The following MACROD2 variants were observed in gnomAD, a reference collection of about 807,000 sequenced individuals.
The protein encoded by MACROD2 is mono-ADP ribosylhydrolase 2.
Under a neutral mutation model 70.4 loss-of-function variants are expected in MACROD2, and 36 were observed. The observed-to-expected ratio is 0.51, with a 90% CI of 0.39 to 0.68. The LOEUF is 0.68. Among genes scored for constraint, MACROD2 ranks in the 30% least tolerant of loss-of-function variants. The pLI is 0.00. For synonymous variants in MACROD2, 172 were observed against 178.8 expected (o/e 0.96, Z 0.30); for missense variants, 496 against 538.4 (o/e 0.92, Z 0.78).
intron 8 of MACROD2, among the ~76,000 whole-genome samples, chr20:15,833,865 C>T (rs1030182123): frequency 1.3e-5 from 2 of 152,158 alleles, no homozygotes; most frequent in African/African-American, 4.8e-5. Flanking sequence ...TGATGATCAT[C>T]CTTGAGTCAC....
chr20:14,852,800 G>A (rs1400719833), intron 5 of MACROD2, among the ~76,000 whole-genome samples: 1 of 152,144 alleles, frequency 6.6e-6, no homozygotes, highest in Non-Finnish European at 1.5e-5. Context: ...CTTAGGTTGG[G>A]AAACCACCCA....
At chr20:15,499,316 T>A (rs2047336354) in intron 7 of MACROD2, among the ~76,000 whole-genome samples, 1 of 152,160 alleles carries the variant, frequency 6.6e-6, no homozygotes, top group Non-Finnish European at 1.5e-5. Context: ...GTTTCTGTGG[T>A]ATGTTTCATT....
chr20:15,135,640 T>G (rs1241038430), intron 5 of MACROD2, among the ~76,000 whole-genome samples: 4 of 124,316 alleles, frequency 3.2e-5, no homozygotes, highest in African/African-American at 1.2e-4. Flanking sequence ...AAGCATTCCC[T>G]TTGAAAACTG....
intron 5 of MACROD2, among the ~76,000 whole-genome samples, chr20:14,725,701 T>G (rs1568760660): frequency 6.6e-6 from 1 of 152,148 alleles, no homozygotes. Context: ...AGCTCCATTC[T>G]GCTGGTGACC....
chr20:15,454,031 A>G (rs371382966), intron 7 of MACROD2, among the ~76,000 whole-genome samples: 2 of 152,104 alleles, frequency 1.3e-5, no homozygotes, highest in African/African-American at 4.8e-5. Context: ...CTGCTGTGAA[A>G]ATGAATATTG....
chr20:14,849,888 T>C (rs760606028), intron 5 of MACROD2: 1 of 485,712 alleles, frequency 2.1e-6, no homozygotes, highest in Non-Finnish European at 4.1e-6. Context: ...ACTCTGGCAT[T>C]TGTGTTTCAT....
At chr20:15,942,974 GGA>G (rs2065771022) in intron 12 of MACROD2, among the ~76,000 whole-genome samples, 1 of 152,116 alleles carries the variant, frequency 6.6e-6, no homozygotes, top group Non-Finnish European at 1.5e-5. Flanking sequence ...GTATTCCTTT[GGA>G]ACACCATGTA....
At chr20:15,944,646 A>G (rs1488553262) in intron 12 of MACROD2, among the ~76,000 whole-genome samples, 3 of 152,192 alleles carry the variant, frequency 2.0e-5, no homozygotes, top group African/African-American at 7.2e-5. Flanking sequence ...TAAAATGATC[A>G]TGATCATTTC....
In MACROD2 at chr20:15,401,882, C is replaced by A. The variant is rs149846757; in HGVS notation, c.541-29523C>A. On this transcript the variant is annotated intron_variant, in intron 6 of 17. Transcript: ENST00000684519. The stretch of plus-strand genomic sequence containing the variant: ...AGTGATGGATAGTTGAGATGCAGAT[C>A]AACAACTGAGGCTGGGCATTCTACA... 4.0e-3 allele frequency among the ~76,000 whole-genome samples: 604 copies of A among 152,258 alleles called. 6 individuals carry two copies. Among genetic ancestry groups the A allele is most frequent in the African/African-American group, 0.014 (584 of 41,556 alleles).
chr20:14,698,660 C>T (rs1223956717), intron 5 of MACROD2, among the ~76,000 whole-genome samples: 3 of 151,532 alleles, frequency 2.0e-5, no homozygotes, highest in Non-Finnish European at 2.9e-5. Flanking sequence ...GTGAGGACTG[C>T]ATTCACTGTT....
chr20:14,934,574 G>A (rs1568884846), intron 5 of MACROD2, among the ~76,000 whole-genome samples: 1 of 152,142 alleles, frequency 6.6e-6, no homozygotes, highest in Admixed American at 6.5e-5. Flanking sequence ...ATCACTTGAG[G>A]TTAGGAGTTC....
At chr20:14,345,511 G>GTT (rs879691055) in intron 3 of MACROD2, among the ~76,000 whole-genome samples, 1 of 147,850 alleles carries the variant, frequency 6.8e-6, no homozygotes, top group Non-Finnish European at 1.5e-5. Flanking sequence ...TTATTTGAAG[G>GTT]TTTTTTTTTT....
intron 3 of MACROD2, among the ~76,000 whole-genome samples, chr20:14,170,503 T>A (rs889219947): frequency 6.6e-5 from 10 of 151,622 alleles, no homozygotes; most frequent in African/African-American, 2.4e-4. Context: ...GCTTTTATTA[T>A]GTTAAGGTAT....
chr20:15,305,682 CAT>C (rs1236758578), intron 6 of MACROD2, among the ~76,000 whole-genome samples: 5 of 151,954 alleles, frequency 3.3e-5, no homozygotes, highest in Non-Finnish European at 5.9e-5. Flanking sequence ...TGCGCGCACA[CAT>C]GTGTGTATAG....
intron 5 of MACROD2, among the ~76,000 whole-genome samples, chr20:15,086,641 GC>G (rs1204497587): frequency 6.6e-6 from 1 of 152,088 alleles, no homozygotes; most frequent in Admixed American, 6.6e-5. Context: ...TTTGATTGCT[GC>G]TCTGAGTCTT....
At position 14,050,225 on chromosome 20, in the gene MACROD2, G is replaced by A. The variant is rs188768120; in HGVS notation, c.164-35396G>A. 3.0e-4 allele frequency among the ~76,000 whole-genome samples: 46 copies of A among 152,210 alleles called. No individual in the cohort carries two copies. The East Asian group carries it at 8.9e-3, about 29-fold the overall frequency. ...TCATGGCTTCTATTCTGCATATGAT[G>A]ATTCTGGAGAAGGCTTCTGGTTGGG... On this transcript the variant is annotated intron_variant, in intron 2 of 17. Coordinates refer to ENST00000684519, the MANE Select transcript of MACROD2 (RefSeq NM_001351661.2).
chr20:15,080,859 T>C (rs2075697997), intron 5 of MACROD2, among the ~76,000 whole-genome samples: 1 of 152,152 alleles, frequency 6.6e-6, no homozygotes, highest in Non-Finnish European at 1.5e-5. Context: ...ATGCTTTACT[T>C]TTCTCCCTCT....
At chr20:15,025,191 A>G (rs1360964305) in intron 5 of MACROD2, among the ~76,000 whole-genome samples, 1 of 152,052 alleles carries the variant, frequency 6.6e-6, no homozygotes, top group Non-Finnish European at 1.5e-5. Context: ...ATCTTAGAAA[A>G]TTTGAGAATT....
chr20:14,742,012 A>G (rs760224413), intron 5 of MACROD2, among the ~76,000 whole-genome samples: 2 of 152,214 alleles, frequency 1.3e-5, no homozygotes, highest in Non-Finnish European at 2.9e-5. Flanking sequence ...GTTCAAGAAT[A>G]TAACAAGAGT....
Sources: allele counts gnomAD v4.1 joint callset (sites outside exome capture counted in the v4.1 genomes callset), GRCh38; gene constraint gnomAD v4.1.1; transcripts MANE v1.5; gene names NCBI Gene and HGNC (gene_info 2026-07-23, HGNC 2026-07-21).